The following RBM45 variants were observed in gnomAD, a reference collection of about 807,000 sequenced individuals.
The protein encoded by RBM45 is RNA binding motif protein 45.
In RBM45, 39 loss-of-function variants were observed where a neutral mutation model predicts 58.5. The ratio of observed to expected loss-of-function variants is 0.67; its 90% CI spans 0.52 to 0.87. The LOEUF is 0.87. Ranked by LOEUF, RBM45 falls within the 40% of genes least tolerant of loss-of-function variation. The pLI is 0.00. For missense variants in RBM45, 481 were observed against 581.6 expected (o/e 0.83, Z 1.78); for synonymous variants, 193 against 203.0 (o/e 0.95, Z 0.42).
rs1382240690 is a variant in RBM45 at position 178,112,667 on chromosome 2, C to G, written c.121C>G (p.Leu41Val). The G allele has an allele frequency of 6.2e-7, 1 of 1,614,240 alleles. No homozygotes were observed. The highest frequency in any genetic ancestry group is 1.7e-5 in the Admixed American group (1 of 60,038). Residue 41 changes from leucine (L) to valine (V), a missense_variant, in exon 1 of 10, where the codon CTG becomes GTG. Leu to Val is a conservative substitution (Grantham distance 32). Transcript: ENST00000286070. ...VISKYTPESVLRERFSPFGDI... is the reference protein window; with the variant it reads ...VISKYTPESVVRERFSPFGDI... Reference sequence around the variant, plus strand: ...CAGCAAGTACACACCTGAGTCGGTGCTGAGGGAGCGCTTCTCGCCTTTTGG... The same window carrying G: ...CAGCAAGTACACACCTGAGTCGGTGGTGAGGGAGCGCTTCTCGCCTTTTGG...
chr2:178,133,094 G>C (rs140382937), downstream of RBM45, among the ~76,000 whole-genome samples: 1 of 152,158 alleles, frequency 6.6e-6, no homozygotes, highest in Non-Finnish European at 1.5e-5. Flanking sequence ...TAAAAGTAAG[G>C]CATCGAGAAG....
chr2:178,132,359 A>G (rs1262955273), downstream of RBM45, among the ~76,000 whole-genome samples: 2 of 152,218 alleles, frequency 1.3e-5, no homozygotes. Flanking sequence ...GTAGTGAAAA[A>G]TAGCCAGGAA....
chr2:178,138,041 T>C (rs1366875051), exon 4 of RBM45: 1 of 152,126 alleles, frequency 6.6e-6, no homozygotes. Flanking sequence ...AGAAGCTAAA[T>C]TAATATTTGA....
At chr2:178,136,160 A>G (rs2088043181) in intron 3 of RBM45, among the ~76,000 whole-genome samples, 1 of 152,124 alleles carries the variant, frequency 6.6e-6, no homozygotes, top group Admixed American at 6.5e-5. Flanking sequence ...AATACAAAAA[A>G]TTAGGCAGGT....
At chr2:178,125,481 TG>T (rs762559685) in intron 8 of RBM45, among the ~76,000 whole-genome samples, 1 of 152,130 alleles carries the variant, frequency 6.6e-6, no homozygotes, top group Non-Finnish European at 1.5e-5. Context: ...AGGTGAAAGC[TG>T]GGGGTATGCA....
intron 1 of RBM45, among the ~76,000 whole-genome samples, chr2:178,116,050 G>A (rs1299006184): frequency 6.6e-6 from 1 of 152,004 alleles, no homozygotes; most frequent in Non-Finnish European, 1.5e-5. Context: ...TACTTGGGAG[G>A]CTGAGGTGGG....
At chr2:178,118,412 A>G (rs1259212061) in intron 3 of RBM45, among the ~76,000 whole-genome samples, 2 of 152,304 alleles carry the variant, frequency 1.3e-5, no homozygotes, top group East Asian at 3.9e-4. Flanking sequence ...TTAGTAAGTG[A>G]AATGCATACT....
At chr2:178,122,160 G>A (rs1395890857) in intron 5 of RBM45, among the ~76,000 whole-genome samples, 4 of 152,152 alleles carry the variant, frequency 2.6e-5, no homozygotes, top group African/African-American at 9.7e-5. Flanking sequence ...GGTTAGGTAA[G>A]AATTAGAGAT....
chr2:178,134,228 G>A (rs561448186), downstream of RBM45, among the ~76,000 whole-genome samples: 12 of 152,310 alleles, frequency 7.9e-5, 1 homozygote, highest in South Asian at 1.9e-3. Flanking sequence ...TGCTGCAGAA[G>A]TGGCAGAAGG....
At chr2:178,120,144 A>C in intron 3 of RBM45, 143 bp from the exon 4 acceptor site, 1 of 970,300 alleles carries the variant, frequency 1.0e-6, no homozygotes, top group Admixed American at 2.7e-5. Context: ...AAAGCAAAGA[A>C]GTAGGTCTGG....
rs1477623344 is a variant in RBM45, at chr2:178,126,159, C to T, written c.1408C>T (p.Arg470Trp). ...ADSPREESNK[R>W]QRTY ...TTCGCCAAGAGAAGAATCTAACAAA[C>T]GGCAAAGAACTTACTGATTCTTGAG... Residue 470 changes from arginine to tryptophan, a missense_variant, in exon 9 of 10, where the codon CGG (arginine) becomes TGG (tryptophan). Physicochemically the swap from Arg to Trp is moderately radical, Grantham distance 101. Transcript: ENST00000286070. 6.2e-7 allele frequency: 1 copy of T among 1,613,368 alleles called. No individual in the cohort carries two copies. The highest frequency in any genetic ancestry group is 8.5e-7 in the Non-Finnish European group (1 of 1,179,548).
At chr2:178,117,971 C>G in intron 2 of RBM45, 84 bp from the exon 3 acceptor site, 1 of 1,105,932 alleles carries the variant, frequency 9.0e-7, no homozygotes, top group Non-Finnish European at 1.2e-6. Flanking sequence ...ATGCAAGGGT[C>G]ACATATAAAC....
At chr2:178,117,964 C>A in intron 2 of RBM45, 91 bp from the exon 3 acceptor site, 2 of 992,470 alleles carry the variant, frequency 2.0e-6, no homozygotes, top group Non-Finnish European at 2.8e-6. Context: ...TGTTTGCATG[C>A]AAGGGTCACA....
intron 1 of RBM45, 49 bp from the exon 2 acceptor site, chr2:178,116,213 G>T: frequency 6.6e-7 from 1 of 1,516,474 alleles, no homozygotes; most frequent in South Asian, 1.3e-5. Flanking sequence ...TTAAGAAATG[G>T]GAAAATAGTT....
chr2:178,120,931 T>C, intron 4 of RBM45: 1 of 320,554 alleles, frequency 3.1e-6, no homozygotes, highest in South Asian at 1.4e-4. Context: ...CAGTTTTGCA[T>C]ACTAAACTTC....
chr2:178,120,187 A>G lies in RBM45; in HGVS notation c.551-100A>G, dbSNP rs1394428914. The G allele has an allele frequency of 8.0e-6, 12 of 1,502,862 alleles. No homozygotes were observed. In the African/African-American group the frequency reaches 9.8e-5, roughly 12 times the overall value. 93.1% of individuals were successfully genotyped at this position (1,502,862 alleles called of 1,614,324 possible). A position where few individuals can be genotyped will look rare whatever the true frequency, so the allele number is the denominator to read the frequency against. On this transcript the variant is annotated intron_variant, in intron 3 of 9. Transcript: ENST00000286070. ...GGCCATTGTATAGATTTTGCTTTGT[A>G]CAATTATATTTATAAAGCTGAGTCA... is the stretch of plus-strand genomic sequence containing the variant.
At chr2:178,122,462 T>C (rs774804294) in intron 5 of RBM45, among the ~76,000 whole-genome samples, 10 of 152,166 alleles carry the variant, frequency 6.6e-5, no homozygotes, top group Non-Finnish European at 1.2e-4. Flanking sequence ...ACTAGTCTTT[T>C]TGTAGAACTG....
chr2:178,120,203 A>G, intron 3 of RBM45, 84 bp from the exon 4 acceptor site: 1 of 1,552,706 alleles, frequency 6.4e-7, no homozygotes, highest in Non-Finnish European at 8.8e-7. Context: ...ATATTTATAA[A>G]GCTGAGTCAG....
At chr2:178,130,386 G>A (rs151301720), downstream of RBM45, among the ~76,000 whole-genome samples, 8 of 152,144 alleles carry the variant, frequency 5.3e-5, no homozygotes, top group African/African-American at 9.6e-5. Flanking sequence ...TTAGCCAGGC[G>A]TGGTGGTGTG....
Sources: allele counts gnomAD v4.1 joint callset (sites outside exome capture counted in the v4.1 genomes callset), GRCh38; gene constraint gnomAD v4.1.1; transcripts MANE v1.5; gene names NCBI Gene and HGNC (gene_info 2026-07-23, HGNC 2026-07-21).